The following JMJD1C variants were observed in gnomAD, a reference collection of about 807,000 sequenced individuals.
JMJD1C encodes jumonji domain containing 1C, also known as jumonji domain-containing protein 1C.
A neutral mutation model predicts 245.3 loss-of-function variants in JMJD1C; 31 were observed. That is an observed-to-expected ratio of 0.13 (90% confidence interval 0.09 to 0.17). The LOEUF (loss-of-function observed/expected upper bound fraction) is 0.17. Ranked by LOEUF, JMJD1C falls within the 10% of genes least tolerant of loss-of-function variation. JMJD1C has a pLI of 1.00. For missense variants in JMJD1C, 2,691 were observed against 3,000.2 expected, an observed-to-expected ratio of 0.90 and a Z score of 2.41; for synonymous variants, 1,057 against 1,017.4, an observed-to-expected ratio of 1.04 and a Z score of -0.74.
At chr10:63,307,399 C>T (rs1459328536) in intron 2 of JMJD1C, among the ~76,000 whole-genome samples, 3 of 152,056 alleles carry the variant, frequency 2.0e-5, no homozygotes, top group African/African-American at 4.8e-5. Flanking sequence ...GTTAAGATGG[C>T]GAATCATATA....
intron 1 of JMJD1C, among the ~76,000 whole-genome samples, chr10:63,420,586 T>C: frequency 6.8e-6 from 1 of 146,870 alleles, no homozygotes. Flanking sequence ...ACGCCTTTAG[T>C]CCCAGCTACA....
rs1846654766 is a variant in JMJD1C at position 63,206,584 on chromosome 10, AACTG to A, written c.5074+7_5074+10del. 1 of 1,559,496 alleles carries A rather than the reference AACTG, an allele frequency of 6.4e-7. No individual in the cohort carries two copies. The highest frequency in any genetic ancestry group is 8.6e-7 in the Non-Finnish European group (1 of 1,157,436). ...CATTTTACCTGAGATAAAACAAAGT[AACTG>A]ACTTACTATTACTGTTGCTTTGCAA... On this transcript the variant is annotated splice_region_variant and intron_variant, in intron 10 of 25. Transcript: ENST00000399262.
Position 63,380,304 on chromosome 10 carries a change from G to C in JMJD1C, c.333+14C>G, listed in dbSNP as rs1947114744. On this transcript the variant is annotated intron_variant, in intron 2 of 25. Coordinates refer to ENST00000399262, the MANE Select transcript of JMJD1C (RefSeq NM_032776.3). ...ACAAATGAAAATGCTTAATGAAACAGGAATAGATCTTACCAATGCAGGCCA... is the reference window on the plus strand; with the variant it reads ...ACAAATGAAAATGCTTAATGAAACACGAATAGATCTTACCAATGCAGGCCA... 1.9e-6 allele frequency: 3 copies of C among 1,612,420 alleles called. No individual in the cohort carries two copies. The highest frequency in any genetic ancestry group is 2.5e-6 in the Non-Finnish European group (3 of 1,178,568).
rs1941516772 is a variant in JMJD1C at position 63,326,413 on chromosome 10, TAAATAAATA to T, written c.333+53896_333+53904del. The stretch of plus-strand genomic sequence containing the variant: ...ATAAATAAATAAATAAATAAATAAA[TAAATAAATA>T]AATAAAGATAATAAAATATGGTAAC... On this transcript the variant is annotated intron_variant, in intron 2 of 25. Coordinates refer to ENST00000399262, the MANE Select transcript of JMJD1C (RefSeq NM_032776.3). 2.0e-5 allele frequency among the ~76,000 whole-genome samples: 3 copies of T among 150,136 alleles called. No individual in the cohort carries two copies. The South Asian group carries it at 6.3e-4, about 31-fold the overall frequency.
intron 1 of JMJD1C, among the ~76,000 whole-genome samples, chr10:63,408,366 G>T (rs769284646): frequency 6.6e-6 from 1 of 151,716 alleles, no homozygotes; most frequent in South Asian, 2.1e-4. Flanking sequence ...TCGCGCCATT[G>T]CACTCCAGCC....
chr10:63,366,857 T>C (rs564991784), intron 2 of JMJD1C, among the ~76,000 whole-genome samples: 1 of 152,324 alleles, frequency 6.6e-6, no homozygotes, highest in South Asian at 2.1e-4. Context: ...AAAGTTACTA[T>C]ATAATCCCTT....
chr10:63,410,192 C>G (rs189013827), intron 1 of JMJD1C, among the ~76,000 whole-genome samples: 56 of 152,160 alleles, frequency 3.7e-4, no homozygotes, highest in Admixed American at 7.9e-4. Flanking sequence ...TAAATGACCC[C>G]ACAATACATA....
chr10:63,400,917 G>A (rs1239666120), intron 1 of JMJD1C, among the ~76,000 whole-genome samples: 1 of 151,774 alleles, frequency 6.6e-6, no homozygotes, highest in African/African-American at 2.4e-5. Context: ...TTTCACTTTT[G>A]TCACCAGGCT....
At chr10:63,426,210 C>T (rs1950430089) in intron 1 of JMJD1C, among the ~76,000 whole-genome samples, 1 of 151,752 alleles carries the variant, frequency 6.6e-6, no homozygotes, top group Non-Finnish European at 1.5e-5. Flanking sequence ...CCCACCCTCT[C>T]TCTACAAAAA....
chr10:63,350,509 A>G (rs2134284180), intron 2 of JMJD1C, among the ~76,000 whole-genome samples: 1 of 152,258 alleles, frequency 6.6e-6, no homozygotes, highest in East Asian at 1.9e-4. Flanking sequence ...CAACATTACT[A>G]TGAAGTTGGT....
intron 1 of JMJD1C, among the ~76,000 whole-genome samples, chr10:63,450,599 C>T (rs1951998230): frequency 6.6e-6 from 1 of 152,058 alleles, no homozygotes; most frequent in African/African-American, 2.4e-5. Flanking sequence ...TCAATTGATG[C>T]AGATAAAGCA....
At chr10:63,226,820 A>G (rs1589216457) in intron 3 of JMJD1C, among the ~76,000 whole-genome samples, 1 of 151,468 alleles carries the variant, frequency 6.6e-6, no homozygotes, top group African/African-American at 2.4e-5. Flanking sequence ...CACTTTGGGA[A>G]GCCGAGGTGG....
chr10:63,337,578 G>A (rs1408592278), intron 2 of JMJD1C, among the ~76,000 whole-genome samples: 2 of 79,658 alleles, frequency 2.5e-5, no homozygotes, highest in African/African-American at 1.7e-4. Context: ...GAAAAGAAAA[G>A]AAAAGAAAAG....
chr10:63,202,441 C>T (rs550557502), intron 10 of JMJD1C: 2 of 985,248 alleles, frequency 2.0e-6, no homozygotes, highest in African/African-American at 3.5e-5. Context: ...TCTAATCATG[C>T]CCAATGTGTG....
rs1361979736 is a variant in JMJD1C at position 63,198,695 on chromosome 10, A to G, written c.5309T>C (p.Ile1770Thr). Reference protein sequence around the residue: ...LSFSKNGVVRIDGFSSPDQYD... With the variant: ...LSFSKNGVVRTDGFSSPDQYD... ...TTGGTCAGGAGAAGAGAAACCATCT[A>G]TTCTAACTACTCCGTTTTTACTAAA... is the stretch of plus-strand genomic sequence containing the variant. Residue 1770 changes from isoleucine to threonine, a missense_variant, in exon 12 of 26, where the codon ATA becomes ACA. Transcript: ENST00000399262. 1.9e-6 allele frequency: 3 copies of G among 1,607,316 alleles called. 1 individual carries two copies. Among genetic ancestry groups the G allele is most frequent in the Non-Finnish European group, 2.5e-6 (3 of 1,176,980 alleles).
chr10:63,179,711 T>G (rs1225159999), intron 22 of JMJD1C, among the ~76,000 whole-genome samples: 2 of 151,176 alleles, frequency 1.3e-5, no homozygotes, highest in Non-Finnish European at 2.9e-5. Flanking sequence ...AGGTTGAAGC[T>G]GCAGTGAGCT....
chr10:63,209,144 C>G lies in JMJD1C; in HGVS notation c.2786G>C (p.Ser929Thr). The change falls in exon 9 of 26, where the codon AGT (serine) becomes ACT (threonine). Residue 929 changes from serine (S) to threonine (T), a missense_variant. Physicochemically the swap from Ser to Thr is moderately conservative, Grantham distance 58 (BLOSUM62 1). This residue lies in a region of JMJD1C where 1,562 missense variants were observed against 1,490.7 expected (regional missense o/e 1.05). Transcript: ENST00000399262. ...TTTAAGAGGCCGATGAGGCTCTGCA[C>G]TGGAAGGTCTGACAGGAATGTGACT... ...LLSHIPVRPS[S>T]AEPHRPLKIT... The G allele has an allele frequency of 6.2e-7, 1 of 1,613,946 alleles. No homozygotes were observed. Among genetic ancestry groups the G allele is most frequent in the Non-Finnish European group, 8.5e-7 (1 of 1,179,912 alleles).
At chr10:63,184,481 A>C in intron 21 of JMJD1C, 127 bp downstream of exon 21, 1 of 752,530 alleles carries the variant, frequency 1.3e-6, no homozygotes, top group Non-Finnish European at 2.1e-6. Flanking sequence ...TGACCTCGTG[A>C]TTCACCCGCC....
At chr10:63,179,608 C>CA (rs1405952160) in intron 22 of JMJD1C, among the ~76,000 whole-genome samples, 1 of 151,282 alleles carries the variant, frequency 6.6e-6, no homozygotes, top group Admixed American at 6.6e-5. Context: ...CCCGTCTTTA[C>CA]AAAAAAATAA....
Sources: allele counts gnomAD v4.1 joint callset (sites outside exome capture counted in the v4.1 genomes callset), GRCh38; gene constraint gnomAD v4.1.1; regional missense constraint gnomAD v4.1.1; transcripts MANE v1.5; gene names NCBI Gene and HGNC (gene_info 2026-07-23, HGNC 2026-07-21).